Variants in TXNRD2 observed in about 807,000 individuals in gnomAD.
The protein encoded by TXNRD2 is thioredoxin reductase 2, mitochondrial.
A neutral mutation model predicts 70.8 loss-of-function variants in TXNRD2; 67 were observed. That is an observed-to-expected ratio of 0.95 (90% CI 0.78 to 1.16). TXNRD2 has a LOEUF of 1.16. Ranked by LOEUF, TXNRD2 falls within the 50% of genes most tolerant of loss-of-function variation. TXNRD2 has a pLI of 0.00. For missense variants in TXNRD2, 644 were observed against 719.9 expected (o/e 0.89, Z 1.21); for synonymous variants, 301 against 295.8 (o/e 1.02, Z -0.18).
intron 8 of TXNRD2, among the ~76,000 whole-genome samples, chr22:19,906,997 C>T (rs369509019): frequency 0.025 from 1,762 of 70,832 alleles, 42 homozygotes; most frequent in South Asian, 0.095. Context: ...TAGCAGTGAC[C>T]GCTCTCAGGA....
At chr22:19,910,218 G>A (rs1601438970) in intron 8 of TXNRD2, among the ~76,000 whole-genome samples, 3 of 152,230 alleles carry the variant, frequency 2.0e-5, no homozygotes, top group East Asian at 3.9e-4. Flanking sequence ...TGTGGGCATC[G>A]GAATGCACTT....
Position 19,918,853 on chromosome 22 carries a change from T to A in TXNRD2, c.374+7A>T. On this transcript the variant is annotated splice_region_variant and intron_variant, in intron 4 of 17. Coordinates refer to ENST00000400521, the MANE Select transcript of TXNRD2 (RefSeq NM_006440.5). ...AGCACTGGAATGCCACGGCGCCAGA[T>A]CCTTACCAGTCATGCGGCACGGGCT... is the stretch of plus-strand genomic sequence containing the variant. 6.2e-7 allele frequency: 1 copy of A among 1,606,302 alleles called. No individual in the cohort carries two copies. The highest frequency in any genetic ancestry group is 1.1e-5 in the South Asian group (1 of 91,068).
At chr22:19,936,560 C>G (rs35141198) in intron 1 of TXNRD2, among the ~76,000 whole-genome samples, 2 of 152,282 alleles carry the variant, frequency 1.3e-5, no homozygotes, top group East Asian at 1.9e-4. Flanking sequence ...GGCCCTCCCC[C>G]ATCCACCACA....
intron 8 of TXNRD2, among the ~76,000 whole-genome samples, chr22:19,910,436 T>G (rs1192096312): frequency 6.6e-6 from 1 of 152,220 alleles, no homozygotes; most frequent in Admixed American, 6.5e-5. Flanking sequence ...TTCTCCCTGA[T>G]GTCCTTGAGG....
rs769978158 is a variant in TXNRD2, at chr22:19,883,344, G to T, written c.1067C>A (p.Ala356Asp). Reference protein sequence around the residue: ...REATSVPHIYAIGDVVEGRPE... With the variant: ...REATSVPHIYDIGDVVEGRPE... ...CCGTACCTCCACCACGTCACCAATG[G>T]CGTAGATGTGGGGCACAGAGGTGGC... is the stretch of plus-strand genomic sequence containing the variant. Residue 356 changes from alanine (A) to aspartate (D), a missense_variant, in exon 12 of 18, where the codon GCC becomes GAC. Ala to Asp is a moderately radical substitution (Grantham distance 126). Transcript: ENST00000400521. 6.2e-7 allele frequency: 1 copy of T among 1,613,924 alleles called. No homozygotes were observed.
chr22:19,910,090 C>G (rs548491475), intron 8 of TXNRD2, among the ~76,000 whole-genome samples: 1 of 152,326 alleles, frequency 6.6e-6, no homozygotes, highest in South Asian at 2.1e-4. Context: ...AGGCTCGAGA[C>G]TGCTATTGAC....
In TXNRD2 at chr22:19,915,670, C is replaced by G. The variant is rs140599614; in HGVS notation, c.528+95G>C. 5 of 1,162,112 alleles carry G rather than the reference C, an allele frequency of 4.3e-6. No homozygotes were observed. The East Asian group carries it at 1.2e-4, about 27-fold the overall frequency. 72.0% of individuals were successfully genotyped at this position (1,162,112 alleles called of 1,614,324 possible). A position where few individuals can be genotyped will look rare whatever the true frequency, so the allele number is the denominator to read the frequency against. ...TTTTTGATTCCAGCAGCACGTGTTACTAAGAACAGCACCCAGGCCAAACAC... is the reference window on the plus strand; with the variant it reads ...TTTTTGATTCCAGCAGCACGTGTTAGTAAGAACAGCACCCAGGCCAAACAC... On this transcript the variant is annotated intron_variant, in intron 6 of 17. Coordinates refer to ENST00000400521, the MANE Select transcript of TXNRD2 (RefSeq NM_006440.5).
intron 1 of TXNRD2, among the ~76,000 whole-genome samples, chr22:19,937,404 C>T (rs1461402796): frequency 6.6e-6 from 1 of 152,164 alleles, no homozygotes; most frequent in Non-Finnish European, 1.5e-5. Context: ...AGCTAAATTA[C>T]AAGATGCTGT....
chr22:19,886,889 G>C (rs1189737171), intron 11 of TXNRD2, among the ~76,000 whole-genome samples: 1 of 152,206 alleles, frequency 6.6e-6, no homozygotes, highest in Non-Finnish European at 1.5e-5. Context: ...GGAGACCTGG[G>C]GCACCAGCTT....
At chr22:19,905,303 T>G (rs555760382) in intron 8 of TXNRD2, among the ~76,000 whole-genome samples, 17 of 152,330 alleles carry the variant, frequency 1.1e-4, no homozygotes, top group African/African-American at 3.8e-4. Context: ...CCTAGATTCC[T>G]TCTAAACGAA....
At chr22:19,886,731 A>T (rs554613808) in intron 11 of TXNRD2, among the ~76,000 whole-genome samples, 1 of 152,304 alleles carries the variant, frequency 6.6e-6, no homozygotes, top group East Asian at 1.9e-4. Context: ...AGGCCTCCCC[A>T]TGGGGCGGCT....
chr22:19,885,507 G>A (rs928876242), intron 11 of TXNRD2, among the ~76,000 whole-genome samples: 15 of 152,218 alleles, frequency 9.9e-5, no homozygotes, highest in African/African-American at 1.9e-4. Context: ...ATTGGGTGCC[G>A]GGAGGGCTGG....
chr22:19,895,344 C>G lies in TXNRD2; in HGVS notation c.949+63G>C, dbSNP rs1448208685. On this transcript the variant is annotated intron_variant, in intron 11 of 17. Transcript: ENST00000400521. ...CCCTGGGAGGTGACAGGAAGTGGGGCAAAGATTCTCCATGCACCTCGGGGA... is the reference window on the plus strand; with the variant it reads ...CCCTGGGAGGTGACAGGAAGTGGGGGAAAGATTCTCCATGCACCTCGGGGA... 15 of 1,610,398 alleles carry G rather than the reference C, an allele frequency of 9.3e-6. No individual in the cohort carries two copies. In the Admixed American group the frequency reaches 1.3e-4, roughly 14 times the overall value.
At position 19,915,261 on chromosome 22, in the gene TXNRD2, C is replaced by T. The variant is rs752857898; in HGVS notation, c.544G>A (p.Asp182Asn). ...CCTCCAGTAGCAATGATGATGTGAT[C>T]GGCTGACAGCAGAATCTGAGGAGAA... Reference protein sequence around the residue: ...KGGKEILLSADHIIIATGGRP... With the variant: ...KGGKEILLSANHIIIATGGRP... The change falls in exon 7 of 18, where the codon GAT becomes AAT. Residue 182 changes from aspartate (D) to asparagine (N), a missense_variant. By Grantham distance (23) the Asp-to-Asn change is conservative. Coordinates refer to ENST00000400521, the MANE Select transcript of TXNRD2 (RefSeq NM_006440.5). 9.3e-6 allele frequency: 15 copies of T among 1,613,554 alleles called. No individual in the cohort carries two copies. The highest frequency in any genetic ancestry group is 5.5e-5 in the South Asian group (5 of 90,916).
At chr22:19,909,483 G>A (rs1043265769) in intron 8 of TXNRD2, among the ~76,000 whole-genome samples, 1 of 150,460 alleles carries the variant, frequency 6.6e-6, no homozygotes, top group Admixed American at 6.7e-5. Flanking sequence ...GACAAGCAGA[G>A]CATGTGACAC....
intron 8 of TXNRD2, among the ~76,000 whole-genome samples, chr22:19,910,326 CTT>C (rs1444596679): frequency 1.3e-5 from 2 of 152,320 alleles, no homozygotes; most frequent in Admixed American, 6.5e-5. Flanking sequence ...CCTTTGGAGT[CTT>C]TGCTAGATTT....
rs963122030 is a variant in TXNRD2 at position 19,905,198 on chromosome 22, A to C, written c.663-6130T>G. On this transcript the variant is annotated intron_variant, in intron 8 of 17. Transcript: ENST00000400521. ...CGTACAGGGATATATCTCCAGCTTAATTTTTAAAAAAACCATTTCCTCACA... is the reference window on the plus strand; with the variant it reads ...CGTACAGGGATATATCTCCAGCTTACTTTTTAAAAAAACCATTTCCTCACA... Among the ~76,000 whole-genome samples, 5 of 152,192 alleles carry C rather than the reference A, an allele frequency of 3.3e-5. No individual in the cohort carries two copies. In the East Asian group the frequency reaches 9.6e-4, roughly 29 times the overall value.
intron 17 of TXNRD2, chr22:19,876,766 GGCT>G (rs1203858445): frequency 4.8e-6 from 1 of 209,384 alleles, no homozygotes; most frequent in Non-Finnish European, 9.5e-6. Flanking sequence ...ACCTGGGATA[GGCT>G]GCTAAGGATG....
chr22:19,880,511 G>A (rs1047822456), intron 13 of TXNRD2, 111 bp downstream of exon 13: 2 of 1,014,716 alleles, frequency 2.0e-6, no homozygotes, highest in African/African-American at 3.2e-5. Flanking sequence ...ACACACGCAT[G>A]CCCACATCTA....
Sources: allele counts gnomAD v4.1 joint callset (sites outside exome capture counted in the v4.1 genomes callset), GRCh38; gene constraint gnomAD v4.1.1; transcripts MANE v1.5; gene names NCBI Gene and HGNC (gene_info 2026-07-23, HGNC 2026-07-21).